SLC38A6: variants seen among roughly 807,000 people sequenced by gnomAD.
SLC38A6 encodes N system amino acid transporter NAT-1.
Under a neutral mutation model 65.0 loss-of-function variants are expected in SLC38A6, and 73 were observed. The ratio of observed to expected loss-of-function variants is 1.12; its 90% CI spans 0.93 to 1.37. The LOEUF (loss-of-function observed/expected upper bound fraction) is 1.37, where lower values mean the gene tolerates loss of function less well. Among genes scored for constraint, SLC38A6 ranks in the 40% most tolerant of loss-of-function variants. The pLI, the probability that SLC38A6 is intolerant of heterozygous loss-of-function variation, is 0.00. For missense variants in SLC38A6, 561 were observed against 531.1 expected, an observed-to-expected ratio of 1.06 and a Z score of -0.55; for synonymous variants, 183 against 178.8, an observed-to-expected ratio of 1.02 and a Z score of -0.19.
rs2043405362 is a variant in SLC38A6 at position 61,076,051 on chromosome 14, C to T, written c.1291-2759C>T. Reference sequence around the variant, plus strand: ...TGTATTTTTAGTAGAGACGAGGTTTCTCCATGTTCATCAGGCTGGTCTTGA... The same window carrying T: ...TGTATTTTTAGTAGAGACGAGGTTTTTCCATGTTCATCAGGCTGGTCTTGA... On this transcript the variant is annotated intron_variant, in intron 15 of 16. Transcript: ENST00000354886. Among the ~76,000 whole-genome samples the T allele has an allele frequency of 1.3e-5, 2 of 151,724 alleles. 1 individual carries two copies. Among genetic ancestry groups the T allele is most frequent in the South Asian group, 4.2e-4 (2 of 4,802 alleles).
At chr14:61,024,744 C>T (rs2040518845) in intron 5 of SLC38A6, among the ~76,000 whole-genome samples, 1 of 152,186 alleles carries the variant, frequency 6.6e-6, no homozygotes, top group African/African-American at 2.4e-5. Flanking sequence ...TCAAACACTA[C>T]ATCCCAATCA....
intron 15 of SLC38A6, among the ~76,000 whole-genome samples, chr14:61,066,455 G>A (rs1368406239): frequency 2.0e-5 from 3 of 151,994 alleles, no homozygotes; most frequent in Non-Finnish European, 4.4e-5. Flanking sequence ...GGGAATAAGA[G>A]GTTTATTCAC....
chr14:61,076,707 G>A (rs1409272899), intron 15 of SLC38A6, among the ~76,000 whole-genome samples: 1 of 152,212 alleles, frequency 6.6e-6, no homozygotes, highest in African/African-American at 2.4e-5. Flanking sequence ...ACCTAAATCT[G>A]TTCTGTTACA....
At chr14:61,036,899 A>G (rs2041415674) in intron 6 of SLC38A6, among the ~76,000 whole-genome samples, 160 bp from the exon 7 acceptor site, 1 of 151,860 alleles carries the variant, frequency 6.6e-6, no homozygotes, top group South Asian at 2.1e-4. Context: ...AGGATCCCAC[A>G]AGAACATTTT....
At chr14:61,016,294 A>G (rs2040004423) in intron 4 of SLC38A6, among the ~76,000 whole-genome samples, 2 of 152,210 alleles carry the variant, frequency 1.3e-5, no homozygotes, top group East Asian at 3.8e-4. Flanking sequence ...AACCCTCATA[A>G]AGACAAGAAA....
At chr14:61,076,131 A>G (rs2043408530) in intron 15 of SLC38A6, among the ~76,000 whole-genome samples, 1 of 152,168 alleles carries the variant, frequency 6.6e-6, no homozygotes, top group African/African-American at 2.4e-5. Flanking sequence ...CTGGGATTGC[A>G]GGCATGAGCC....
At position 61,037,625 on chromosome 14, in the gene SLC38A6, G is replaced by C. The variant is rs747814482; in HGVS notation, c.566G>C (p.Gly189Ala). The C allele has an allele frequency of 6.3e-7, 1 of 1,585,570 alleles. No homozygotes were observed. Among genetic ancestry groups the C allele is most frequent in the Admixed American group, 1.7e-5 (1 of 57,158 alleles). Residue 189 changes from glycine (G) to alanine (A), a missense_variant and splice_region_variant, in exon 8 of 16, where the codon GGC (glycine) becomes GCC (alanine). By Grantham distance (60) the Gly-to-Ala change is moderately conservative. Transcript: ENST00000267488. ...VFPLALLPKI[G>A]FLGYTSSLSF... is the part of the protein sequence containing the mutation. The stretch of plus-strand genomic sequence containing the variant: ...TTTTTATTTTACTGTTATTTTACAG[G>C]CTTTCTTGGCTACACAAGTAGTTTA...
downstream of SLC38A6, chr14:61,052,726 C>G (rs1283344815): frequency 5.3e-6 from 1 of 187,064 alleles, no homozygotes; most frequent in Non-Finnish European, 1.1e-5. Flanking sequence ...TTCACATATA[C>G]CGTTTTACCC....
chr14:61,064,264 CTCT>C (rs909978822), intron 15 of SLC38A6, among the ~76,000 whole-genome samples: 6 of 152,168 alleles, frequency 3.9e-5, no homozygotes, highest in Admixed American at 1.3e-4. Context: ...TACTCGTACC[CTCT>C]TCTTCTGTTT....
intron 15 of SLC38A6, among the ~76,000 whole-genome samples, chr14:61,058,011 T>C (rs1371066842): frequency 1.4e-5 from 2 of 139,596 alleles, no homozygotes; most frequent in Non-Finnish European, 3.1e-5. Flanking sequence ...TCTTCTCTCT[T>C]TTTTTCTTTA....
Position 61,052,366 on chromosome 14 carries a change from C to T in SLC38A6, c.1308C>T (p.Ile436=). The stretch of plus-strand genomic sequence containing the variant: ...TTCCACAGGCATTCGTTTTGCTCAT[C>T]TTTGGAATTTTGGTTGGGAATTTTA... The part of the protein sequence containing the change: ...WKKLGAFVLL[I]FGILVGNFSL... Residue 436 remains isoleucine, a synonymous_variant, in exon 16 of 16, where the codon ATC becomes ATT. Transcript: ENST00000267488. The T allele has an allele frequency of 2.5e-6, 4 of 1,585,474 alleles. No homozygotes were observed. Among genetic ancestry groups the T allele is most frequent in the Non-Finnish European group, 3.4e-6 (4 of 1,167,692 alleles).
chr14:61,065,362 C>T (rs2139933999), intron 15 of SLC38A6, among the ~76,000 whole-genome samples: 1 of 152,278 alleles, frequency 6.6e-6, no homozygotes, highest in East Asian at 1.9e-4. Flanking sequence ...GTAAATCCAT[C>T]AGTGGAAAAG....
At chr14:60,993,686 C>T (rs887607397) in intron 3 of SLC38A6, among the ~76,000 whole-genome samples, 3 of 152,290 alleles carry the variant, frequency 2.0e-5, no homozygotes, top group South Asian at 2.1e-4. Flanking sequence ...GAGCTGAGTA[C>T]CTCCTGTTTA....
Position 61,046,075 on chromosome 14 carries a change from A to G in SLC38A6, c.833A>G (p.Lys278Arg). 4 of 1,603,148 alleles carry G rather than the reference A, an allele frequency of 2.5e-6. No individual in the cohort carries two copies. Among genetic ancestry groups the G allele is most frequent in the Non-Finnish European group, 3.4e-6 (4 of 1,172,494 alleles). ...PIYCELQSPS[K>R]KRMQNVTNTA... is the part of the protein sequence containing the mutation. ...TCATTTTTGTCTTTTAGTCCTTCAA[A>G]GAAAAGAATGCAGAATGTTACCAAT... Residue 278 changes from lysine (K) to arginine (R), a missense_variant, in exon 12 of 16, where the codon AAG becomes AGG. Physicochemically the swap from Lys to Arg is conservative, Grantham distance 26 (BLOSUM62 2). Transcript: ENST00000267488.
At chr14:60,993,332 C>T (rs895077397) in intron 3 of SLC38A6, among the ~76,000 whole-genome samples, 1 of 152,146 alleles carries the variant, frequency 6.6e-6, no homozygotes, top group Non-Finnish European at 1.5e-5. Flanking sequence ...AGCTAATATT[C>T]GATTTAGGCA....
chr14:61,008,399 A>T (rs899727954), intron 3 of SLC38A6, among the ~76,000 whole-genome samples: 1 of 152,186 alleles, frequency 6.6e-6, no homozygotes, highest in Non-Finnish European at 1.5e-5. Flanking sequence ...GAAAGTACCG[A>T]GGAGTTCTTT....
intron 12 of SLC38A6, among the ~76,000 whole-genome samples, chr14:61,049,374 T>G (rs892340340): frequency 3.3e-5 from 5 of 152,196 alleles, no homozygotes; most frequent in Admixed American, 3.3e-4. Context: ...TGCTCCTTGC[T>G]TCTAGAGAAT....
chr14:61,046,778 CT>C (rs1395597703), intron 12 of SLC38A6, among the ~76,000 whole-genome samples: 1 of 152,026 alleles, frequency 6.6e-6, no homozygotes, highest in Non-Finnish European at 1.5e-5. Flanking sequence ...TGTATGTTGA[CT>C]TTTTTTCCTC....
chr14:61,035,720 G>C (rs1420288500), intron 6 of SLC38A6, among the ~76,000 whole-genome samples: 2 of 152,160 alleles, frequency 1.3e-5, no homozygotes, highest in Non-Finnish European at 2.9e-5. Context: ...ATTAGCACCA[G>C]TGATTGGATT....
Sources: gnomAD v4.1 joint callset for allele counts (sites outside exome capture counted in the v4.1 genomes callset) on GRCh38, gnomAD v4.1.1 for gene constraint, MANE v1.5 for transcripts, NCBI Gene and HGNC (gene_info 2026-07-23, HGNC 2026-07-21) for gene names.